Variants in MTUS2 observed in about 807,000 individuals in gnomAD.
MTUS2 encodes microtubule associated scaffold protein 2, also known as microtubule-associated tumor suppressor candidate 2.
A neutral mutation model predicts 114.1 loss-of-function variants in MTUS2; 40 were observed. That is an observed-to-expected ratio of 0.35 (90% confidence interval 0.27 to 0.46). The LOEUF is 0.46. MTUS2 is among the 20% of genes least tolerant of loss of function. The pLI, the probability that MTUS2 is intolerant of heterozygous loss-of-function variation, is 1.00. For synonymous variants in MTUS2, 688 were observed against 672.0 expected, an observed-to-expected ratio of 1.02 and a Z score of -0.37; for missense variants, 1,679 against 1,705.4, an observed-to-expected ratio of 0.98 and a Z score of 0.27.
At chr13:29,327,227 T>C (rs1273417892) in intron 7 of MTUS2, among the ~76,000 whole-genome samples, 3 of 152,096 alleles carry the variant, frequency 2.0e-5, no homozygotes, top group Non-Finnish European at 4.4e-5. Flanking sequence ...GTAAAACATA[T>C]CTATTGTGGA....
intron 5 of MTUS2, among the ~76,000 whole-genome samples, chr13:29,224,802 C>T (rs1593189238): frequency 6.6e-6 from 1 of 152,116 alleles, no homozygotes; most frequent in Non-Finnish European, 1.5e-5. Context: ...AATATTTGCC[C>T]TCCCTATTTA....
chr13:29,201,825 A>T (rs1488204035), intron 5 of MTUS2, among the ~76,000 whole-genome samples: 2 of 152,168 alleles, frequency 1.3e-5, no homozygotes, highest in Non-Finnish European at 2.9e-5. Flanking sequence ...AATGTTGAAT[A>T]TTGGCCCCCA....
rs115630767 is a variant in MTUS2 at position 28,850,715 on chromosome 13, C to T, written c.-243+10865C>T. 7.1e-3 allele frequency among the ~76,000 whole-genome samples: 1,081 copies of T among 152,284 alleles called. 10 individuals carry two copies. The highest frequency in any genetic ancestry group is 0.024 in the African/African-American group (1,008 of 41,544). On this transcript the variant is annotated intron_variant, in intron 2 of 15. Coordinates refer to ENST00000612955, the MANE Select transcript of MTUS2 (RefSeq NM_001033602.4). ...GTCTTAAGGATGTCTCTAAACCATCCTGGAGACTGGTCTTTAGACAGTTGA... is the reference window on the plus strand; with the variant it reads ...GTCTTAAGGATGTCTCTAAACCATCTTGGAGACTGGTCTTTAGACAGTTGA...
chr13:28,957,453 T>C (rs1199507212), intron 2 of MTUS2, among the ~76,000 whole-genome samples: 1 of 152,208 alleles, frequency 6.6e-6, no homozygotes, highest in African/African-American at 2.4e-5. Flanking sequence ...ATTGAAAATA[T>C]TCAGAAAAAA....
chr13:28,835,748 T>C (rs1022656261), intron 1 of MTUS2, among the ~76,000 whole-genome samples: 1 of 152,228 alleles, frequency 6.6e-6, no homozygotes, highest in Non-Finnish European at 1.5e-5. Context: ...TGCCTTGCCC[T>C]GGTCCTGCTC....
At chr13:29,418,184 T>C (rs1004903084) in intron 8 of MTUS2, among the ~76,000 whole-genome samples, 3 of 152,208 alleles carry the variant, frequency 2.0e-5, no homozygotes, top group African/African-American at 4.8e-5. Flanking sequence ...AATATGATTA[T>C]TTCTTTTCTC....
intron 5 of MTUS2, among the ~76,000 whole-genome samples, chr13:29,231,967 A>G (rs1896341162): frequency 6.6e-6 from 1 of 152,204 alleles, no homozygotes; most frequent in Non-Finnish European, 1.5e-5. Flanking sequence ...ATGAGGATAT[A>G]AGAATTTTTT....
chr13:29,109,029 T>C (rs1291571765), intron 5 of MTUS2, among the ~76,000 whole-genome samples: 1 of 152,236 alleles, frequency 6.6e-6, no homozygotes, highest in Non-Finnish European at 1.5e-5. Context: ...TTGTTGTGTA[T>C]GTTTGAACAT....
intron 4 of MTUS2, among the ~76,000 whole-genome samples, chr13:29,070,215 T>C (rs1888852737): frequency 6.6e-6 from 1 of 152,198 alleles, no homozygotes; most frequent in East Asian, 1.9e-4. Flanking sequence ...TGCTCTTTGT[T>C]TACCTTCTCA....
chr13:28,980,814 C>T (rs572977273), intron 2 of MTUS2, among the ~76,000 whole-genome samples: 1 of 152,174 alleles, frequency 6.6e-6, no homozygotes, highest in African/African-American at 2.4e-5. Flanking sequence ...TGCTTTCTCA[C>T]CAGGAATGTT....
In MTUS2 at chr13:28,845,929, T is replaced by C. The variant is rs550277993; in HGVS notation, c.-243+6079T>C. ...TAATATAACAGTGCCTGCCACAAAG[T>C]AAATGTTGCTTCTCACTTCCAAATG... On this transcript the variant is annotated intron_variant, in intron 2 of 15. Transcript: ENST00000612955. Among the ~76,000 whole-genome samples the C allele has an allele frequency of 2.6e-5, 4 of 152,090 alleles. No individual in the cohort carries two copies. The East Asian group carries it at 7.7e-4, about 29-fold the overall frequency.
chr13:29,448,550 A>G (rs1050957607), intron 9 of MTUS2, among the ~76,000 whole-genome samples: 2 of 150,558 alleles, frequency 1.3e-5, no homozygotes, highest in Non-Finnish European at 2.9e-5. Context: ...CCCAGTCCCC[A>G]GTACTGCTGG....
At chr13:28,841,875 C>T (rs1451310930) in intron 2 of MTUS2, among the ~76,000 whole-genome samples, 3 of 152,078 alleles carry the variant, frequency 2.0e-5, no homozygotes, top group African/African-American at 4.8e-5. Context: ...TTAGTAGAGA[C>T]GAGGTTTCGC....
rs1050367312 is a variant in MTUS2, at chr13:29,503,457, G to A, written c.*251G>A. Reference sequence around the variant, plus strand: ...AGCCAAAAGAAAGACACTTGCAATTGTTCTTGAGCAATGAACTTTCACTGC... The same window carrying A: ...AGCCAAAAGAAAGACACTTGCAATTATTCTTGAGCAATGAACTTTCACTGC... On this transcript the variant is annotated 3_prime_UTR_variant, in exon 16 of 16. Transcript: ENST00000612955. 2 of 579,424 alleles carry A rather than the reference G, an allele frequency of 3.5e-6. No homozygotes were observed. Among genetic ancestry groups the A allele is most frequent in the African/African-American group, 1.9e-5 (1 of 53,576 alleles). The allele number at this position is 579,424 out of a possible 1,614,324, so 35.9% of individuals were successfully genotyped here. A position where few individuals can be genotyped will look rare whatever the true frequency, so the allele number is the denominator to read the frequency against.
intron 5 of MTUS2, among the ~76,000 whole-genome samples, chr13:29,161,368 ATAATTT>A (rs1893089621): frequency 6.6e-6 from 1 of 151,782 alleles, no homozygotes; most frequent in South Asian, 2.1e-4. Flanking sequence ...AAGGAAAAAA[ATAATTT>A]TAAAGTTATG....
intron 9 of MTUS2, among the ~76,000 whole-genome samples, chr13:29,468,888 G>C (rs148478186): frequency 6.6e-6 from 1 of 152,142 alleles, no homozygotes; most frequent in Non-Finnish European, 1.5e-5. Flanking sequence ...TTCTGCAAAA[G>C]CATGTTTGTC....
At chr13:29,494,052 G>A (rs193298229) in intron 12 of MTUS2, among the ~76,000 whole-genome samples, 5 of 152,280 alleles carry the variant, frequency 3.3e-5, no homozygotes, top group Admixed American at 2.0e-4. Flanking sequence ...TTAAATCCCC[G>A]CTGCACTAGC....
chr13:29,075,904 A>G (rs1030633597), intron 4 of MTUS2, among the ~76,000 whole-genome samples: 18 of 152,264 alleles, frequency 1.2e-4, no homozygotes, highest in Middle Eastern at 6.8e-3. Context: ...ACATTTAGCA[A>G]TTGGTTTATA....
intron 5 of MTUS2, among the ~76,000 whole-genome samples, chr13:29,257,583 G>T (rs1277664069): frequency 6.6e-6 from 1 of 152,152 alleles, no homozygotes; most frequent in African/African-American, 2.4e-5. Context: ...CTTAAAAGGA[G>T]TTTGGATTTT....
Sources: allele counts gnomAD v4.1 joint callset (sites outside exome capture counted in the v4.1 genomes callset), GRCh38; gene constraint gnomAD v4.1.1; transcripts MANE v1.5; gene names NCBI Gene and HGNC (gene_info 2026-07-23, HGNC 2026-07-21).